Variants in IVD observed in about 807,000 individuals in gnomAD.
IVD encodes isovaleryl-CoA dehydrogenase.
In IVD, 31 loss-of-function variants were observed where a neutral mutation model predicts 51.3. That is an observed-to-expected ratio of 0.60 (90% CI 0.45 to 0.81). The LOEUF (loss-of-function observed/expected upper bound fraction) is 0.81, where lower values mean the gene tolerates loss of function less well. Ranked by LOEUF, IVD falls within the 40% of genes least tolerant of loss-of-function variation. IVD has a pLI of 0.00. For synonymous variants in IVD, 205 were observed against 219.4 expected, an observed-to-expected ratio of 0.93 and a Z score of 0.58; for missense variants, 475 against 552.0, an observed-to-expected ratio of 0.86 and a Z score of 1.40.
At chr15:40,406,094 G>A in intron 1 of IVD, 123 bp downstream of exon 1, 1 of 1,535,962 alleles carries the variant, frequency 6.5e-7, no homozygotes. Context: ...CCCGTGGGCC[G>A]TTGGGAGCGC....
At chr15:40,417,620 G>A (rs1473128656) in intron 11 of IVD, among the ~76,000 whole-genome samples, 1 of 151,964 alleles carries the variant, frequency 6.6e-6, no homozygotes, top group African/African-American at 2.4e-5. Context: ...TGTTTGGTAC[G>A]TGAATCGTCC....
downstream of IVD, among the ~76,000 whole-genome samples, chr15:40,423,797 G>A (rs72733444): frequency 0.11 from 17,490 of 152,240 alleles, 1,131 homozygotes; most frequent in Non-Finnish European, 0.13. Flanking sequence ...TTTGATTTAT[G>A]AGAAGTTATG....
chr15:40,405,815 G>C lies in IVD; in HGVS notation c.-13G>C. On this transcript the variant is annotated 5_prime_UTR_variant, in exon 1 of 12. Transcript: ENST00000487418. ...GGCTCAGTTTCAGCGCTGGCTCTTC[G>C]TGCATGGCAGAGATGGCGACTGCGA... 3 of 1,610,408 alleles carry C rather than the reference G, an allele frequency of 1.9e-6. No individual in the cohort carries two copies. Among genetic ancestry groups the C allele is most frequent in the Non-Finnish European group, 1.7e-6 (2 of 1,177,278 alleles).
intron 6 of IVD, chr15:40,412,677 G>A (rs1891204967): frequency 5.1e-6 from 2 of 390,106 alleles, no homozygotes; most frequent in East Asian, 1.2e-4. Flanking sequence ...CAGTGTCTTG[G>A]AAGTAATGTC....
In IVD at chr15:40,413,026, C is replaced by T. The variant is rs2229312; in HGVS notation, c.723C>T (p.Asp241=). 0.13 allele frequency: 203,066 copies of T among 1,612,232 alleles called. 13,670 individuals are homozygous for T. Among genetic ancestry groups the T allele is most frequent in the Non-Finnish European group, 0.13 (156,840 of 1,178,296 alleles). The change falls in exon 7 of 12, where the codon GAC becomes GAT. Residue 241 remains aspartate (D), a synonymous_variant. Transcript: ENST00000487418. ...GCTTTAGCACCTCTAAGAAGCTGGA[C>T]AAGCTGGGGATGAGGGGCTCTAACA... ...MPGFSTSKKL[D]KLGMRGSNTC... is the part of the protein sequence containing the mutation.
chr15:40,431,226 C>G (rs1292377283), intron 7 of IVD, among the ~76,000 whole-genome samples: 1 of 151,726 alleles, frequency 6.6e-6, no homozygotes, highest in Non-Finnish European at 1.5e-5. Flanking sequence ...TCAAGCTATC[C>G]TCCCACCTCT....
chr15:40,419,284 G>GTGATCCACCTGCCT lies in IVD; in HGVS notation c.*1023_*1024insATCCACCTGCCTTG. On this transcript the variant is annotated 3_prime_UTR_variant, in exon 12 of 12. Transcript: ENST00000487418. ...CCAGCACTTTGGGAGGCCAAGGCAGGTGGATCACTTGCAGTCAGGAGTTCA... is the reference window on the plus strand; with the variant it reads ...CCAGCACTTTGGGAGGCCAAGGCAGGTGATCCACCTGCCTTGGATCACTTGCAGTCAGGAGTTCA... The GTGATCCACCTGCCT allele has an allele frequency of 8.1e-7, 1 of 1,232,202 alleles. No homozygotes were observed. Among genetic ancestry groups the GTGATCCACCTGCCT allele is most frequent in the Non-Finnish European group, 1.1e-6 (1 of 937,506 alleles). The allele number at this position is 1,232,202 out of a possible 1,614,324, so 76.3% of individuals were successfully genotyped here.
chr15:40,406,269 G>A, intron 1 of IVD: 2 of 1,455,796 alleles, frequency 1.4e-6, no homozygotes, highest in African/African-American at 1.4e-5. Context: ...TGTTTTGGTG[G>A]AGGATTGGCC....
chr15:40,415,343 C>T (rs1317662936), intron 8 of IVD, 58 bp from the exon 9 acceptor site: 4 of 1,462,828 alleles, frequency 2.7e-6, no homozygotes, highest in African/African-American at 1.4e-5. Context: ...AGCATTTTGC[C>T]ACCACACCCG....
At chr15:40,435,603 T>A (rs997526557), downstream of IVD, 1 of 1,108,594 alleles carries the variant, frequency 9.0e-7, no homozygotes, top group South Asian at 1.9e-5. Flanking sequence ...TTCCTCAAAA[T>A]CCTTCTATGT....
chr15:40,413,767 G>A (rs979195367), intron 7 of IVD, among the ~76,000 whole-genome samples: 28 of 151,720 alleles, frequency 1.8e-4, no homozygotes, highest in African/African-American at 5.8e-4. Context: ...CTCAGCTCAC[G>A]GCAGCCTCCA....
At chr15:40,433,971 A>G (rs538864862) in intron 8 of IVD, 8 of 455,898 alleles carry the variant, frequency 1.8e-5, no homozygotes, top group South Asian at 7.8e-5. Flanking sequence ...GGTTCCAGTG[A>G]ACTAGACACT....
chr15:40,417,709 A>G (rs1891861205), intron 11 of IVD, among the ~76,000 whole-genome samples: 2 of 152,194 alleles, frequency 1.3e-5, no homozygotes, highest in South Asian at 2.1e-4. Context: ...CTGTCCTGAT[A>G]TCAGAGTGCC....
intron 7 of IVD, among the ~76,000 whole-genome samples, chr15:40,433,659 G>A (rs936538259): frequency 3.9e-5 from 6 of 152,178 alleles, no homozygotes; most frequent in Admixed American, 6.5e-5. Context: ...TCACAGAAAT[G>A]TCATGTTTCT....
At chr15:40,416,041 T>C (rs1252451210) in intron 9 of IVD, 37 bp from the exon 10 acceptor site, 2 of 1,593,992 alleles carry the variant, frequency 1.3e-6, no homozygotes, top group African/African-American at 2.7e-5. Context: ...GAGAGAGTGT[T>C]CCAGCATGTT....
chr15:40,433,747 CATT>C (rs1284771689), intron 7 of IVD: 1 of 412,642 alleles, frequency 2.4e-6, no homozygotes, highest in East Asian at 7.3e-5. Context: ...GTTCACCAAG[CATT>C]ATTAGGCAAC....
At chr15:40,428,045 G>A (rs1235422937), downstream of IVD, among the ~76,000 whole-genome samples, 1 of 152,266 alleles carries the variant, frequency 6.6e-6, no homozygotes, top group East Asian at 1.9e-4. Flanking sequence ...GGCTGGGTGT[G>A]GTGGCACGCA....
Position 40,405,836 on chromosome 15 carries a change from T to C in IVD, c.9T>C (p.Thr3=), listed in dbSNP as rs370886046. The C allele has an allele frequency of 1.9e-5, 30 of 1,611,920 alleles. No individual in the cohort carries two copies. Among genetic ancestry groups the C allele is most frequent in the Non-Finnish European group, 2.5e-5 (30 of 1,178,638 alleles). The change falls in exon 1 of 12, where the codon ACT becomes ACC. Residue 3 remains threonine, a synonymous_variant. Coordinates refer to ENST00000487418, the MANE Select transcript of IVD (RefSeq NM_002225.5). ...CTTCGTGCATGGCAGAGATGGCGACTGCGACTCGGCTGCTGGGGTGGCGTG... is the reference window on the plus strand; with the variant it reads ...CTTCGTGCATGGCAGAGATGGCGACCGCGACTCGGCTGCTGGGGTGGCGTG... MA[T]ATRLLGWRVA...
intron 7 of IVD, among the ~76,000 whole-genome samples, chr15:40,413,438 A>T (rs1254443122): frequency 1.3e-5 from 2 of 152,234 alleles, no homozygotes; most frequent in African/African-American, 2.4e-5. Context: ...AAAATATTTT[A>T]AAAATGAGTT....
Sources: gnomAD v4.1 joint callset for allele counts (sites outside exome capture counted in the v4.1 genomes callset) on GRCh38, gnomAD v4.1.1 for gene constraint, MANE v1.5 for transcripts, NCBI Gene and HGNC (gene_info 2026-07-23, HGNC 2026-07-21) for gene names.